MCRIP2: variants seen among roughly 807,000 people sequenced by gnomAD.
MCRIP2 encodes MAPK regulated co-repressor interacting protein 2.
In MCRIP2, 21 loss-of-function variants were observed where a neutral mutation model predicts 23.2. The observed-to-expected ratio is 0.90, with a 90% CI of 0.64 to 1.30. MCRIP2 has a LOEUF of 1.30. MCRIP2 is among the 50% of genes most tolerant of loss of function. MCRIP2 has a pLI of 0.00. For missense variants in MCRIP2, 234 were observed against 223.2 expected (o/e 1.05, Z -0.31); for synonymous variants, 121 against 100.2 (o/e 1.21, Z -1.24).
chr16:647,276 G>A, intron 2 of MCRIP2, 141 bp from the exon 3 acceptor site: 1 of 1,212,348 alleles, frequency 8.2e-7, no homozygotes, highest in Middle Eastern at 2.8e-4. Flanking sequence ...GCTGTGGGTG[G>A]CTGCTCTCTC....
Position 648,103 on chromosome 16 carries a change from G to A in MCRIP2, c.413-17G>A. 1.3e-5 allele frequency: 21 copies of A among 1,587,976 alleles called. No homozygotes were observed. In the African/African-American group the frequency reaches 1.6e-4, roughly 12 times the overall value. On this transcript the variant is annotated splice_polypyrimidine_tract_variant and intron_variant, in intron 4 of 4. Coordinates refer to ENST00000307650, the MANE Select transcript of MCRIP2 (RefSeq NM_138418.4). ...GCCTGGGAGGCAGCATCACTGCCCA[G>A]CCTTCTCTGCCCACAGACTTTGTGC...
At chr16:643,408 G>T (rs755367211) in intron 2 of MCRIP2, among the ~76,000 whole-genome samples, 3 of 152,088 alleles carry the variant, frequency 2.0e-5, no homozygotes, top group Non-Finnish European at 2.9e-5. Context: ...AGACCCCACT[G>T]CTAGGGAGGG....
chr16:644,754 C>G (rs77904407), intron 2 of MCRIP2, among the ~76,000 whole-genome samples: 1,886 of 149,298 alleles, frequency 0.013, 62 homozygotes, highest in East Asian at 0.12. Context: ...CCTGCCTTTT[C>G]TTCTCCTTGG....
chr16:642,171 G>A lies in MCRIP2; in HGVS notation c.104G>A (p.Arg35Gln), dbSNP rs1322568210. 2 of 1,349,520 alleles carry A rather than the reference G, an allele frequency of 1.5e-6. No individual in the cohort carries two copies. The highest frequency in any genetic ancestry group is 3.3e-5 in the East Asian group (1 of 30,174). 83.6% of individuals were successfully genotyped at this position (1,349,520 alleles called of 1,614,324 possible). A position where few individuals can be genotyped will look rare whatever the true frequency, so the allele number is the denominator to read the frequency against. The change falls in exon 2 of 5, where the codon CGG becomes CAG. Residue 35 changes from arginine (R) to glutamine (Q), a missense_variant. Coordinates refer to ENST00000307650, the MANE Select transcript of MCRIP2 (RefSeq NM_138418.4). ...CGGCTCGGCGAGCTCCTGAAATGCC[G>A]GCAGCCCGCGCCGCCGACCTCGCAG... is the stretch of plus-strand genomic sequence containing the variant. Reference protein sequence around the residue: ...EGRLGELLKCRQPAPPTSQPP... With the variant: ...EGRLGELLKCQQPAPPTSQPP...
At position 642,181 on chromosome 16, in the gene MCRIP2, G is replaced by A; in HGVS notation, c.114G>A (p.Ala38=). ...LGELLKCRQP[A]PPTSQPPRAQ... is the part of the protein sequence containing the mutation. ...AGCTCCTGAAATGCCGGCAGCCCGC[G>A]CCGCCGACCTCGCAGCCCCCGCGGG... The change falls in exon 2 of 5, where the codon GCG becomes GCA. Residue 38 remains alanine, a synonymous_variant. Coordinates refer to ENST00000307650, the MANE Select transcript of MCRIP2 (RefSeq NM_138418.4). 2.2e-6 allele frequency: 3 copies of A among 1,339,536 alleles called. No individual in the cohort carries two copies. Among genetic ancestry groups the A allele is most frequent in the Non-Finnish European group, 2.9e-6 (3 of 1,041,464 alleles). The allele number at this position is 1,339,536 out of a possible 1,614,324, so 83.0% of individuals were successfully genotyped here.
rs185684037 is a variant in MCRIP2, at chr16:645,326, G to C, written c.183-2091G>C. On this transcript the variant is annotated intron_variant, in intron 2 of 4. Coordinates refer to ENST00000307650, the MANE Select transcript of MCRIP2 (RefSeq NM_138418.4). ...GCTGGAGTACAGTGGCGTGATCTTG[G>C]CTCACTGCAACCTCCGCCTCCCAGG... is the stretch of plus-strand genomic sequence containing the variant. 506 of 152,254 alleles carry C rather than the reference G, an allele frequency of 3.3e-3. 4 individuals carry two copies. The highest frequency in any genetic ancestry group is 5.8e-3 in the Non-Finnish European group (396 of 68,092). 9.4% of individuals were successfully genotyped at this position (152,254 alleles called of 1,614,324 possible). A position where few individuals can be genotyped will look rare whatever the true frequency, so the allele number is the denominator to read the frequency against.
chr16:646,969 G>GTATC lies in MCRIP2; in HGVS notation c.183-448_183-447insTATC. The GTATC allele has an allele frequency of 6.1e-6, 1 of 162,734 alleles. No homozygotes were observed. Among genetic ancestry groups the GTATC allele is most frequent in the Non-Finnish European group, 1.3e-5 (1 of 74,696 alleles). The allele number at this position is 162,734 out of a possible 1,614,324, so 10.1% of individuals were successfully genotyped here. A position where few individuals can be genotyped will look rare whatever the true frequency, so the allele number is the denominator to read the frequency against. ...GGAGATGGAGGTGCTTCTGTGGGGC[G>GTATC]AGAATGTGGCCTAGAACTACACCCA... On this transcript the variant is annotated intron_variant, in intron 2 of 4. Transcript: ENST00000307650. This position sits in a 1 kb window ranked among gnomAD's most constrained non-coding sequence, Gnocchi z 6.5.
intron 2 of MCRIP2, chr16:642,571 G>C: frequency 6.0e-6 from 1 of 166,106 alleles, no homozygotes. Flanking sequence ...CTGACGTGCA[G>C]CAGGCCCAGG....
In MCRIP2 at chr16:647,492, C is replaced by T; in HGVS notation, c.258C>T (p.Thr86=). The change falls in exon 3 of 5, where the codon ACC becomes ACT. Residue 86 remains threonine, a synonymous_variant. Coordinates refer to ENST00000307650, the MANE Select transcript of MCRIP2 (RefSeq NM_138418.4). The stretch of plus-strand genomic sequence containing the variant: ...CCACGTCCCCATCCTTCGAGGGGAC[C>T]CAGGAGACCTACACAGTGGCCCACG... ...APSTSPSFEG[T]QETYTVAHEE... is the part of the protein sequence containing the mutation. 6.2e-7 allele frequency: 1 copy of T among 1,613,378 alleles called. No individual in the cohort carries two copies.
Position 642,151 on chromosome 16 carries a change from C to G in MCRIP2, c.84C>G (p.Leu28=), listed in dbSNP as rs1250464870. 18 of 1,362,896 alleles carry G rather than the reference C, an allele frequency of 1.3e-5. No individual in the cohort carries two copies. Among genetic ancestry groups the G allele is most frequent in the Non-Finnish European group, 1.6e-5 (17 of 1,054,864 alleles). 84.4% of individuals were successfully genotyped at this position (1,362,896 alleles called of 1,614,324 possible). A position where few individuals can be genotyped will look rare whatever the true frequency, so the allele number is the denominator to read the frequency against. Residue 28 remains leucine (L), a synonymous_variant, in exon 2 of 5, where the codon CTC becomes CTG. Coordinates refer to ENST00000307650, the MANE Select transcript of MCRIP2 (RefSeq NM_138418.4). ...CGCAGCAGCAGGTGGAGGGCCGGCT[C>G]GGCGAGCTCCTGAAATGCCGGCAGC... ...GPTQQQVEGR[L]GELLKCRQPA...
intron 2 of MCRIP2, among the ~76,000 whole-genome samples, chr16:644,044 C>T (rs999400502): frequency 7.2e-5 from 11 of 152,244 alleles, no homozygotes; most frequent in South Asian, 2.1e-4. Context: ...ATGAAGCCCC[C>T]ATCCTGCTCC....
At position 647,355 on chromosome 16, in the gene MCRIP2, C is replaced by G. The variant is rs574610642; in HGVS notation, c.183-62C>G. ...GCTGGCCCGGGGCTGCTCCTGAGTT[C>G]TGCCAGGCAGCACCGCACCTGGGAT... On this transcript the variant is annotated intron_variant, in intron 2 of 4. Transcript: ENST00000307650. The G allele has an allele frequency of 9.8e-5, 157 of 1,596,588 alleles. No individual in the cohort carries two copies. The African/African-American group carries it at 2.0e-3, about 20-fold the overall frequency.
chr16:647,963 C>T lies in MCRIP2; in HGVS notation c.412+79C>T, dbSNP rs13380608. On this transcript the variant is annotated intron_variant, in intron 4 of 4. Coordinates refer to ENST00000307650, the MANE Select transcript of MCRIP2 (RefSeq NM_138418.4). ...TGACCCAGGCCCTGCCAGGTTCCCA[C>T]CCCAGGGGATGAGGGAGGGGACTCT... The T allele has an allele frequency of 0.012, 14,055 of 1,204,930 alleles. 705 individuals are homozygous for T. In the African/African-American group the frequency reaches 0.14, roughly 12 times the overall value. The allele number at this position is 1,204,930 out of a possible 1,614,324, so 74.6% of individuals were successfully genotyped here.
In MCRIP2 at chr16:648,130, C is replaced by T. The variant is rs772197690; in HGVS notation, c.423C>T (p.Pro141=). Residue 141 remains proline (P), a synonymous_variant, in exon 5 of 5, where the codon CCC becomes CCT. Coordinates refer to ENST00000307650, the MANE Select transcript of MCRIP2 (RefSeq NM_138418.4). ...CTTCTCTGCCCACAGACTTTGTGCC[C>T]ATTGACCTAGACGAGTGGTGGGCGC... ...TPNPRLQNFV[P]IDLDEWWAQQ... is the part of the protein sequence containing the mutation. 9 of 1,607,256 alleles carry T rather than the reference C, an allele frequency of 5.6e-6. No homozygotes were observed. The Admixed American group carries it at 1.2e-4, about 21-fold the overall frequency.
chr16:647,473 C>T lies in MCRIP2; in HGVS notation c.239C>T (p.Ser80Phe). 6.2e-7 allele frequency: 1 copy of T among 1,606,632 alleles called. No individual in the cohort carries two copies. Among genetic ancestry groups the T allele is most frequent in the Non-Finnish European group, 8.5e-7 (1 of 1,177,180 alleles). Residue 80 changes from serine (S) to phenylalanine (F), a missense_variant, in exon 3 of 5, where the codon TCC becomes TTC. Coordinates refer to ENST00000307650, the MANE Select transcript of MCRIP2 (RefSeq NM_138418.4). ...RVNGRRAPST[S>F]PSFEGTQETY... is the part of the protein sequence containing the mutation. The stretch of plus-strand genomic sequence containing the variant: ...AATGGCCGGCGGGCCCCCTCCACGT[C>T]CCCATCCTTCGAGGGGACCCAGGAG...
rs1490600478 is a variant in MCRIP2, at chr16:642,264, G to A, written c.182+15G>A. The stretch of plus-strand genomic sequence containing the variant: ...CCCCTGTCGAGGTGAGACGCGCGCG[G>A]CCCCGGCCCGGCCCGGCCCGGCTTC... On this transcript the variant is annotated intron_variant, in intron 2 of 4. Coordinates refer to ENST00000307650, the MANE Select transcript of MCRIP2 (RefSeq NM_138418.4). 3 of 1,167,562 alleles carry A rather than the reference G, an allele frequency of 2.6e-6. No individual in the cohort carries two copies. Among genetic ancestry groups the A allele is most frequent in the Non-Finnish European group, 3.2e-6 (3 of 947,718 alleles). 72.3% of individuals were successfully genotyped at this position (1,167,562 alleles called of 1,614,324 possible).
rs1231085011 is a variant in MCRIP2, at chr16:647,504, C to T, written c.270C>T (p.Tyr90=). The part of the protein sequence containing the change: ...SPSFEGTQET[Y]TVAHEENVRF... ...CCTTCGAGGGGACCCAGGAGACCTA[C>T]ACAGTGGCCCACGAGGAGAATGTCC... Residue 90 remains tyrosine, a synonymous_variant, in exon 3 of 5, where the codon TAC becomes TAT. Transcript: ENST00000307650. 6.2e-7 allele frequency: 1 copy of T among 1,613,432 alleles called. No homozygotes were observed. Among genetic ancestry groups the T allele is most frequent in the Non-Finnish European group, 8.5e-7 (1 of 1,179,998 alleles).
rs2037516248 is a variant in MCRIP2 at position 647,514 on chromosome 16, C to G, written c.280C>G (p.His94Asp). The change falls in exon 3 of 5, where the codon CAC (histidine) becomes GAC (aspartate). Residue 94 changes from histidine (H) to aspartate (D), a missense_variant. Transcript: ENST00000307650. ...GACCCAGGAGACCTACACAGTGGCC[C>G]ACGAGGAGAATGTCCGCTTTGTGTC... is the stretch of plus-strand genomic sequence containing the variant. ...EGTQETYTVA[H>D]EENVRFVSEA... The G allele has an allele frequency of 6.2e-7, 1 of 1,613,412 alleles. No individual in the cohort carries two copies. Among genetic ancestry groups the G allele is most frequent in the Non-Finnish European group, 8.5e-7 (1 of 1,179,968 alleles).
intron 2 of MCRIP2, chr16:643,153 C>T (rs1339249372): frequency 1.3e-5 from 2 of 152,302 alleles, no homozygotes; most frequent in African/African-American, 2.4e-5. Context: ...AGGTAAGTGC[C>T]CTCTACCAGA....
Sources: gnomAD v4.1 joint callset for allele counts (sites outside exome capture counted in the v4.1 genomes callset) on GRCh38, gnomAD v4.1.1 for gene constraint, Gnocchi (gnomAD v3.1) non-coding constraint, MANE v1.5 for transcripts, NCBI Gene and HGNC (gene_info 2026-07-23, HGNC 2026-07-21) for gene names.